FGGY: variants seen among roughly 807,000 people sequenced by gnomAD.
FGGY encodes FGGY carbohydrate kinase domain-containing protein.
A neutral mutation model predicts 71.3 loss-of-function variants in FGGY; 72 were observed. The ratio of observed to expected loss-of-function variants is 1.01; its 90% confidence interval spans 0.84 to 1.23. FGGY has a LOEUF of 1.23. FGGY is among the 50% of genes most tolerant of loss of function. The pLI is 0.00. For synonymous variants in FGGY, 251 were observed against 250.3 expected, an observed-to-expected ratio of 1.00 and a Z score of -0.02; for missense variants, 668 against 682.3, an observed-to-expected ratio of 0.98 and a Z score of 0.23.
chr1:59,542,117 C>T (rs1474834339), intron 7 of FGGY, among the ~76,000 whole-genome samples: 2 of 152,156 alleles, frequency 1.3e-5, no homozygotes, highest in African/African-American at 4.8e-5. Flanking sequence ...GGAAAGAGGG[C>T]CTCAGTAAAG....
chr1:59,352,121 A>G (rs948556111), intron 4 of FGGY, among the ~76,000 whole-genome samples: 11 of 152,194 alleles, frequency 7.2e-5, no homozygotes, highest in African/African-American at 2.4e-4. Context: ...TTTGGTCTCA[A>G]TGATTCTGAC....
At chr1:59,587,251 C>G (rs1477342437) in intron 8 of FGGY, among the ~76,000 whole-genome samples, 1 of 152,150 alleles carries the variant, frequency 6.6e-6, no homozygotes, top group South Asian at 2.1e-4. Context: ...GAGGGGCGCC[C>G]GCCATTGCCC....
At chr1:59,445,374 GTC>G (rs1461733592) in intron 5 of FGGY, among the ~76,000 whole-genome samples, 1 of 152,122 alleles carries the variant, frequency 6.6e-6, no homozygotes, top group East Asian at 1.9e-4. Context: ...TCTTTTTCTA[GTC>G]TCCTGCAGCC....
chr1:59,509,444 T>C lies in FGGY; in HGVS notation c.671-2867T>C, dbSNP rs960374892. On this transcript the variant is annotated intron_variant, in intron 6 of 15. Coordinates refer to ENST00000303721, the MANE Select transcript of FGGY (RefSeq NM_018291.5). ...TCCTCCTGGCTTAATGCTCCTTTAGTGGTTTACAGTGGGCTTCATGATTAA... is the reference window on the plus strand; with the variant it reads ...TCCTCCTGGCTTAATGCTCCTTTAGCGGTTTACAGTGGGCTTCATGATTAA... Among the ~76,000 whole-genome samples the C allele has an allele frequency of 2.1e-4, 32 of 152,238 alleles. 1 individual carries two copies. Among genetic ancestry groups the C allele is most frequent in the Non-Finnish European group, 7.3e-5 (5 of 68,050 alleles).
At chr1:59,531,042 C>T (rs2095128522) in intron 7 of FGGY, among the ~76,000 whole-genome samples, 1 of 152,100 alleles carries the variant, frequency 6.6e-6, no homozygotes, top group Non-Finnish European at 1.5e-5. Context: ...GTGATGGGGT[C>T]CTTTAATGCA....
intron 14 of FGGY, chr1:59,699,192 G>T: frequency 1.0e-6 from 1 of 985,222 alleles, no homozygotes; most frequent in Middle Eastern, 5.2e-4. Flanking sequence ...CAGTGTAAAT[G>T]TTAGGAGAAA....
intron 5 of FGGY, among the ~76,000 whole-genome samples, chr1:59,391,181 C>A (rs1368263520): frequency 6.6e-6 from 1 of 152,140 alleles, no homozygotes; most frequent in Admixed American, 6.6e-5. Context: ...TTGATTTTGG[C>A]TACCTGTGGA....
intron 7 of FGGY, among the ~76,000 whole-genome samples, chr1:59,524,291 C>G (rs747124035): frequency 2.0e-5 from 3 of 151,982 alleles, no homozygotes; most frequent in Middle Eastern, 6.8e-3. Context: ...GAGGGCAGCT[C>G]GGCTCAGGCC....
At chr1:59,516,164 A>C (rs1228755987) in intron 7 of FGGY, among the ~76,000 whole-genome samples, 1 of 152,194 alleles carries the variant, frequency 6.6e-6, no homozygotes, top group Non-Finnish European at 1.5e-5. Context: ...TCTCAAAAAA[A>C]TTAGGAGGCC....
intron 2 of FGGY, among the ~76,000 whole-genome samples, chr1:59,331,581 C>T (rs1385597615): frequency 6.6e-6 from 1 of 152,132 alleles, no homozygotes; most frequent in Non-Finnish European, 1.5e-5. Context: ...CCACCTCCTC[C>T]TTGCATTCCT....
rs186814415 is a variant in FGGY, at chr1:59,456,700, G to A, written c.555-261G>A. On this transcript the variant is annotated intron_variant, in intron 5 of 15. Transcript: ENST00000303721. ...TGACCTTAAGTGATCTGCCTGCCTTGGCCTCCCAAAGTGCTGGGATTACAG... is the reference window on the plus strand; with the variant it reads ...TGACCTTAAGTGATCTGCCTGCCTTAGCCTCCCAAAGTGCTGGGATTACAG... 2.8e-3 allele frequency among the ~76,000 whole-genome samples: 430 copies of A among 152,250 alleles called. 3 individuals are homozygous for A. The highest frequency in any genetic ancestry group is 9.9e-3 in the African/African-American group (412 of 41,544).
intron 7 of FGGY, among the ~76,000 whole-genome samples, chr1:59,522,352 T>C (rs1156930548): frequency 1.3e-5 from 2 of 152,238 alleles, no homozygotes; most frequent in Non-Finnish European, 2.9e-5. Context: ...GTATCTATAG[T>C]GGAAGATAGA....
rs796957653 is a variant in FGGY at position 59,656,168 on chromosome 1, A to G, written c.1222-4051A>G. Reference sequence around the variant, plus strand: ...ATGTGCTTACCCTTGCAACTCTCACATCGGGCTTCCCTACACATTTGTCTG... The same window carrying G: ...ATGTGCTTACCCTTGCAACTCTCACGTCGGGCTTCCCTACACATTTGTCTG... On this transcript the variant is annotated intron_variant, in intron 11 of 15. Transcript: ENST00000303721. 3.4e-4 allele frequency among the ~76,000 whole-genome samples: 52 copies of G among 152,334 alleles called. 1 individual carries two copies. Among genetic ancestry groups the G allele is most frequent in the African/African-American group, 1.2e-3 (48 of 41,594 alleles).
intron 3 of FGGY, among the ~76,000 whole-genome samples, chr1:59,342,106 ATACATGTT>A (rs1189967605): frequency 6.6e-6 from 1 of 152,170 alleles, no homozygotes; most frequent in Non-Finnish European, 1.5e-5. Flanking sequence ...ATCTGCTAAA[ATACATGTT>A]TACTTATTTA....
intron 8 of FGGY, among the ~76,000 whole-genome samples, chr1:59,558,327 A>G (rs1271104458): frequency 6.6e-6 from 1 of 152,170 alleles, no homozygotes; most frequent in Non-Finnish European, 1.5e-5. Flanking sequence ...CAATATTTCA[A>G]CGTAGGTTCT....
intron 8 of FGGY, among the ~76,000 whole-genome samples, chr1:59,568,711 C>G (rs1476760426): frequency 6.6e-6 from 1 of 152,158 alleles, no homozygotes; most frequent in Non-Finnish European, 1.5e-5. Flanking sequence ...TATGACTCCT[C>G]TGGGCCTTCA....
Position 59,753,467 on chromosome 1 carries a change from AATATATATATATATATATAT to A in FGGY, c.1513-4437_1513-4418del, listed in dbSNP as rs57074120. 3.8e-3 allele frequency among the ~76,000 whole-genome samples: 180 copies of A among 47,850 alleles called. 4 individuals carry two copies. The highest frequency in any genetic ancestry group is 5.7e-3 in the South Asian group (7 of 1,222). The allele number at this position is 47,850 out of a possible 152,430, so 31.4% of individuals were successfully genotyped here. A position where few individuals can be genotyped will look rare whatever the true frequency, so the allele number is the denominator to read the frequency against. On this transcript the variant is annotated intron_variant, in intron 14 of 15. Coordinates refer to ENST00000303721, the MANE Select transcript of FGGY (RefSeq NM_018291.5). Reference sequence around the variant, plus strand: ...GACTGTCTTTATAAGCATAACTTTAAATATATATATATATATATATATATATATATATATATATATATATA... The same window carrying A: ...GACTGTCTTTATAAGCATAACTTTAAATATATATATATATATATATATATA...
chr1:59,606,879 C>A (rs867663706), intron 8 of FGGY, among the ~76,000 whole-genome samples: 48 of 152,106 alleles, frequency 3.2e-4, no homozygotes, highest in African/African-American at 1.1e-3. Flanking sequence ...ACACTATATT[C>A]TATTTGTCTA....
chr1:59,539,620 A>G (rs745978279), intron 7 of FGGY, among the ~76,000 whole-genome samples: 12 of 152,218 alleles, frequency 7.9e-5, no homozygotes, highest in Non-Finnish European at 1.3e-4. Context: ...AAACAGATTA[A>G]AAACTTAAGT....
Sources: gnomAD v4.1 joint callset for allele counts (sites outside exome capture counted in the v4.1 genomes callset) on GRCh38, gnomAD v4.1.1 for gene constraint, MANE v1.5 for transcripts, NCBI Gene and HGNC (gene_info 2026-07-23, HGNC 2026-07-21) for gene names.